SEC62: variants seen among roughly 807,000 people sequenced by gnomAD.
SEC62 encodes SEC62 preprotein translocation factor, also known as translocation protein SEC62.
In SEC62, 10 loss-of-function variants were observed where a neutral mutation model predicts 47.5. The ratio of observed to expected loss-of-function variants is 0.21; its 90% CI spans 0.13 to 0.36. The LOEUF (loss-of-function observed/expected upper bound fraction) is 0.36. SEC62 is among the 10% of genes least tolerant of loss of function. SEC62 has a pLI of 1.00. For synonymous variants in SEC62, 136 were observed against 150.5 expected (o/e 0.90, Z 0.71); for missense variants, 327 against 464.1 (o/e 0.70, Z 2.71).
At chr3:169,976,896 A>C in intron 2 of SEC62, 50 bp from the exon 3 acceptor site, 1 of 1,252,012 alleles carries the variant, frequency 8.0e-7, no homozygotes. Flanking sequence ...ATTTAGATAG[A>C]CATAAATCCC....
At chr3:169,991,196 A>T (rs1321439691) in intron 7 of SEC62, among the ~76,000 whole-genome samples, 1 of 152,226 alleles carries the variant, frequency 6.6e-6, no homozygotes, top group East Asian at 1.9e-4. Context: ...GCTTTCATTA[A>T]CATTGTATTT....
rs190451047 is a variant in SEC62, at chr3:169,994,354, A to G, written c.*1291A>G. The G allele has an allele frequency of 4.6e-5, 7 of 152,772 alleles. No homozygotes were observed. Among genetic ancestry groups the G allele is most frequent in the Admixed American group, 2.6e-4 (4 of 15,306 alleles). The allele number at this position is 152,772 out of a possible 1,614,324, so 9.5% of individuals were successfully genotyped here. A position where few individuals can be genotyped will look rare whatever the true frequency, so the allele number is the denominator to read the frequency against. On this transcript the variant is annotated 3_prime_UTR_variant, in exon 8 of 8. Coordinates refer to ENST00000337002, the MANE Select transcript of SEC62 (RefSeq NM_003262.4). ...ATTTTTCTTCAGTCACAGTGAGAGC[A>G]TCTTGCTTTGTGGTTGAAATAGGTA...
Position 169,966,826 on chromosome 3 carries a change from G to A in SEC62, c.4G>A (p.Ala2Thr). The change falls in exon 1 of 8, where the codon GCG becomes ACG. Residue 2 changes from alanine to threonine, a missense_variant. By Grantham distance (58) the Ala-to-Thr change is moderately conservative. Transcript: ENST00000337002. Reference sequence around the variant, plus strand: ...GGAACCGGGCGGAGCGGCCAACATGGCGGAACGCAGGAGACACAAGAAGCG... The same window carrying A: ...GGAACCGGGCGGAGCGGCCAACATGACGGAACGCAGGAGACACAAGAAGCG... M[A>T]ERRRHKKRIQ... The A allele has an allele frequency of 2.6e-6, 4 of 1,554,660 alleles. No individual in the cohort carries two copies. Among genetic ancestry groups the A allele is most frequent in the Non-Finnish European group, 3.5e-6 (4 of 1,148,762 alleles).
chr3:169,988,338 A>C lies in SEC62; in HGVS notation c.709A>C (p.Ser237Arg). 1 of 1,613,708 alleles carries C rather than the reference A, an allele frequency of 6.2e-7. No individual in the cohort carries two copies. The highest frequency in any genetic ancestry group is 8.5e-7 in the Non-Finnish European group (1 of 1,179,732). ...TGTGGGTGCAGGCTGTTTTGTAGCCAGTATTCTTCTCCTTGCTGTTGGTAA... is the reference window on the plus strand; with the variant it reads ...TGTGGGTGCAGGCTGTTTTGTAGCCCGTATTCTTCTCCTTGCTGTTGGTAA... ...LSVGAGCFVA[S>R]ILLLAVARCI... Residue 237 changes from serine to arginine, a missense_variant, in exon 7 of 8, where the codon AGT becomes CGT. Ser to Arg is a moderately radical substitution (Grantham distance 110). This residue lies in a region of SEC62 where 99 missense variants were observed against 194.0 expected (regional missense o/e 0.51). Coordinates refer to ENST00000337002, the MANE Select transcript of SEC62 (RefSeq NM_003262.4).
In SEC62 at chr3:169,996,062, T is replaced by A. The variant is rs1302279152; in HGVS notation, c.*2999T>A. ...CATTAGCGTAAAAAGGACACGTTTA[T>A]AGTATGAAAGCTGGAACATGGCCTT... On this transcript the variant is annotated 3_prime_UTR_variant, in exon 8 of 8. Coordinates refer to ENST00000337002, the MANE Select transcript of SEC62 (RefSeq NM_003262.4). The A allele has an allele frequency of 6.6e-6, 1 of 152,202 alleles. No homozygotes were observed. Among genetic ancestry groups the A allele is most frequent in the East Asian group, 1.9e-4 (1 of 5,204 alleles). The allele number at this position is 152,202 out of a possible 1,614,324, so 9.4% of individuals were successfully genotyped here. A position where few individuals can be genotyped will look rare whatever the true frequency, so the allele number is the denominator to read the frequency against.
At position 169,992,751 on chromosome 3, in the gene SEC62, T is replaced by C. The variant is rs1189485618; in HGVS notation, c.888T>C (p.Asp296=). The C allele has an allele frequency of 2.5e-6, 4 of 1,613,866 alleles. No homozygotes were observed. Among genetic ancestry groups the C allele is most frequent in the Non-Finnish European group, 3.4e-6 (4 of 1,180,004 alleles). ...YKGPKADLKK[D]EKSETKKQQK... The stretch of plus-strand genomic sequence containing the variant: ...GACCAAAAGCAGACTTAAAGAAAGA[T>C]GAGAAGTCTGAAACCAAAAAGCAAC... The change falls in exon 8 of 8, where the codon GAT becomes GAC. Residue 296 remains aspartate (D), a synonymous_variant. Transcript: ENST00000337002. This position sits in a 1 kb window ranked among gnomAD's most constrained non-coding sequence, Gnocchi z 4.0.
At chr3:169,985,757 A>T in intron 5 of SEC62, 48 bp from the exon 6 acceptor site, 1 of 1,466,346 alleles carries the variant, frequency 6.8e-7, no homozygotes, top group Non-Finnish European at 9.5e-7. Flanking sequence ...ATTACTTTCT[A>T]ATGTGACATT....
chr3:169,993,003 A>C lies in SEC62; in HGVS notation c.1140A>C (p.Glu380Asp), dbSNP rs1715283095. 2 of 1,613,686 alleles carry C rather than the reference A, an allele frequency of 1.2e-6. No individual in the cohort carries two copies. The highest frequency in any genetic ancestry group is 2.2e-5 in the East Asian group (1 of 44,842). The change falls in exon 8 of 8, where the codon GAA (glutamate) becomes GAC (aspartate). Residue 380 changes from glutamate (E) to aspartate (D), a missense_variant. Physicochemically the swap from Glu to Asp is conservative, Grantham distance 45. Around this residue, in one of 3 missense-constraint regions of SEC62, gnomAD observed 102 missense variants for 108.8 expected, o/e 0.94. Coordinates refer to ENST00000337002, the MANE Select transcript of SEC62 (RefSeq NM_003262.4). Reference protein sequence around the residue: ...ELEQQTDGDCEEDEEEENDGE... With the variant: ...ELEQQTDGDCDEDEEEENDGE... ...AACAGCAAACAGATGGGGATTGTGA[A>C]GAGGATGAGGAAGAGGAAAATGATG...
intron 5 of SEC62, among the ~76,000 whole-genome samples, chr3:169,984,493 A>G (rs1017419396): frequency 6.6e-6 from 1 of 152,196 alleles, no homozygotes; most frequent in African/African-American, 2.4e-5. Flanking sequence ...GATGACTGGC[A>G]GATTGCCAGG....
In SEC62 at chr3:169,992,989, G is replaced by T. The variant is rs746138382; in HGVS notation, c.1126G>T (p.Asp376Tyr). The change falls in exon 8 of 8, where the codon GAT (aspartate) becomes TAT (tyrosine). Residue 376 changes from aspartate (D) to tyrosine (Y), a missense_variant. This residue lies in a region of SEC62 where 102 missense variants were observed against 108.8 expected (regional missense o/e 0.94). Transcript: ENST00000337002. The surrounding 1 kb of genome is among the most constrained non-coding windows in gnomAD (Gnocchi z 4.0). Reference protein sequence around the residue: ...ITKEELEQQTDGDCEEDEEEE... With the variant: ...ITKEELEQQTYGDCEEDEEEE... Reference sequence around the variant, plus strand: ...AAAAGAGGAACTGGAACAGCAAACAGATGGGGATTGTGAAGAGGATGAGGA... The same window carrying T: ...AAAAGAGGAACTGGAACAGCAAACATATGGGGATTGTGAAGAGGATGAGGA... 1 of 1,613,890 alleles carries T rather than the reference G, an allele frequency of 6.2e-7. No homozygotes were observed. Among genetic ancestry groups the T allele is most frequent in the Non-Finnish European group, 8.5e-7 (1 of 1,179,880 alleles).
chr3:169,975,038 T>C (rs1293744408), intron 1 of SEC62, among the ~76,000 whole-genome samples: 9 of 152,204 alleles, frequency 5.9e-5, no homozygotes, highest in Non-Finnish European at 1.3e-4. Context: ...CCCAGCACTT[T>C]GGGAGGCCTA....
At chr3:169,988,626 ATG>A (rs1223661943) in intron 7 of SEC62, among the ~76,000 whole-genome samples, 1 of 152,126 alleles carries the variant, frequency 6.6e-6, no homozygotes, top group African/African-American at 2.4e-5. Context: ...ATGGGGTACA[ATG>A]TGATGTTTTG....
intron 1 of SEC62, among the ~76,000 whole-genome samples, chr3:169,972,718 C>G (rs548521333): frequency 6.6e-6 from 1 of 151,886 alleles, no homozygotes; most frequent in African/African-American, 2.4e-5. Flanking sequence ...ATGAGCCACC[C>G]AACCCATCCT....
Position 169,986,246 on chromosome 3 carries a change from A to G in SEC62, c.610+381A>G, listed in dbSNP as rs2287484. On this transcript the variant is annotated intron_variant, in intron 6 of 7. Transcript: ENST00000337002. ...TCTCTAACAGTTGATAGGTATGTCT[A>G]TTGTTTTAATTTTTGTAAAGGGCAG... 1.2e-4 allele frequency among the ~76,000 whole-genome samples: 18 copies of G among 152,284 alleles called. 1 individual carries two copies. In the East Asian group the frequency reaches 3.1e-3, roughly 26 times the overall value.
intron 1 of SEC62, among the ~76,000 whole-genome samples, chr3:169,970,767 A>C (rs1438814871): frequency 1.3e-5 from 2 of 152,220 alleles, no homozygotes; most frequent in Non-Finnish European, 2.9e-5. Flanking sequence ...TGAACTAAGA[A>C]GTTCTCTCCA....
At chr3:169,977,659 ACCTT>A (rs1285266326) in intron 3 of SEC62, among the ~76,000 whole-genome samples, 1 of 152,066 alleles carries the variant, frequency 6.6e-6, no homozygotes. Context: ...AGACAAAATC[ACCTT>A]CCTTTTGGAA....
chr3:169,971,471 T>A (rs1714696879), intron 1 of SEC62, among the ~76,000 whole-genome samples: 1 of 152,236 alleles, frequency 6.6e-6, no homozygotes, highest in Non-Finnish European at 1.5e-5. Context: ...ACAATATGGA[T>A]AAGTTATTAT....
chr3:169,988,611 C>T (rs1467842705), intron 7 of SEC62, among the ~76,000 whole-genome samples: 1 of 151,924 alleles, frequency 6.6e-6, no homozygotes, highest in East Asian at 1.9e-4. Context: ...TAATTGTATA[C>T]ATTTATGGGG....
intron 1 of SEC62, chr3:169,969,306 G>A (rs1406294875): frequency 2.2e-6 from 1 of 456,406 alleles, no homozygotes; most frequent in Non-Finnish European, 4.4e-6. Flanking sequence ...AGATTCTCGT[G>A]TCCCATCGAA....
Sources: allele counts gnomAD v4.1 joint callset (sites outside exome capture counted in the v4.1 genomes callset), GRCh38; gene constraint gnomAD v4.1.1; regional missense constraint gnomAD v4.1.1; non-coding constraint Gnocchi (gnomAD v3.1); transcripts MANE v1.5; gene names NCBI Gene and HGNC (gene_info 2026-07-23, HGNC 2026-07-21).